The following EPSTI1 variants were observed in gnomAD, a reference collection of about 807,000 sequenced individuals.
EPSTI1 encodes epithelial stromal interaction 1, also known as epithelial-stromal interaction protein 1.
A neutral mutation model predicts 49.9 loss-of-function variants in EPSTI1; 66 were observed. The ratio of observed to expected loss-of-function variants is 1.32; its 90% CI spans 1.08 to 1.62. The LOEUF (loss-of-function observed/expected upper bound fraction) is 1.62, where lower values mean the gene tolerates loss of function less well. Ranked by LOEUF, EPSTI1 falls within the 40% of genes most tolerant of loss-of-function variation. The pLI, the probability that EPSTI1 is intolerant of heterozygous loss-of-function variation, is 0.00. For synonymous variants in EPSTI1, 137 were observed against 130.7 expected, an observed-to-expected ratio of 1.05 and a Z score of -0.33; for missense variants, 394 against 365.5, an observed-to-expected ratio of 1.08 and a Z score of -0.64.
At chr13:42,986,703 C>G (rs1039543143) in intron 1 of EPSTI1, among the ~76,000 whole-genome samples, 2 of 143,766 alleles carry the variant, frequency 1.4e-5, no homozygotes, top group African/African-American at 5.2e-5. Context: ...TGAGATCACG[C>G]CACTGCACTA....
chr13:42,983,563 C>CAAAAAAAAAAAAAAAAAAAAAAAA (rs56259281), intron 1 of EPSTI1, among the ~76,000 whole-genome samples: 2 of 95,498 alleles, frequency 2.1e-5, no homozygotes, highest in Non-Finnish European at 3.7e-5. Flanking sequence ...GACTCCATCT[C>CAAAAAAAAAAAAAAAAAAAAAAAA]AAAAAAAAAA....
intron 9 of EPSTI1, among the ~76,000 whole-genome samples, chr13:42,896,776 C>G (rs990582265): frequency 6.6e-6 from 1 of 152,180 alleles, no homozygotes; most frequent in Admixed American, 6.5e-5. Flanking sequence ...CTTTCCTCCC[C>G]CACTGAGTAT....
chr13:42,919,787 G>A (rs1278773836), intron 7 of EPSTI1, among the ~76,000 whole-genome samples: 2 of 152,198 alleles, frequency 1.3e-5, no homozygotes, highest in African/African-American at 2.4e-5. Context: ...ACCGGGAGAA[G>A]AGCATCACAT....
rs76518996 is a variant in EPSTI1, at chr13:42,901,298, A to G, written c.742-915T>C. Among the ~76,000 whole-genome samples, 1,098 of 152,254 alleles carry G rather than the reference A, an allele frequency of 7.2e-3. 9 individuals carry two copies. Among genetic ancestry groups the G allele is most frequent in the African/African-American group, 0.025 (1,040 of 41,546 alleles). ...AACTTCCTTGATGAAAAGTATACAA[A>G]AAAACTCAAAGTTCAGGCTGACATT... On this transcript the variant is annotated intron_variant, in intron 8 of 10. Coordinates refer to ENST00000313624, the MANE Select transcript of EPSTI1 (RefSeq NM_033255.5).
At chr13:42,980,116 C>T (rs1054112632) in intron 1 of EPSTI1, among the ~76,000 whole-genome samples, 1 of 151,732 alleles carries the variant, frequency 6.6e-6, no homozygotes, top group Admixed American at 6.6e-5. Context: ...CCTCATGATT[C>T]GATTAGGTTA....
intron 5 of EPSTI1, among the ~76,000 whole-genome samples, chr13:42,958,913 A>G (rs1401520153): frequency 6.6e-6 from 1 of 152,254 alleles, no homozygotes; most frequent in African/African-American, 2.4e-5. Flanking sequence ...AACTTCATTC[A>G]TGTGGGTTTA....
intron 8 of EPSTI1, among the ~76,000 whole-genome samples, chr13:42,906,165 G>A (rs2037493374): frequency 6.6e-6 from 1 of 152,168 alleles, no homozygotes; most frequent in Non-Finnish European, 1.5e-5. Flanking sequence ...TCGAGCCCAG[G>A]TCAATAATAA....
chr13:42,899,582 G>A (rs980209756), intron 9 of EPSTI1, among the ~76,000 whole-genome samples: 1 of 151,982 alleles, frequency 6.6e-6, no homozygotes, highest in African/African-American at 2.4e-5. Context: ...GGTTAAATAC[G>A]TTCAAAAAAA....
chr13:42,888,246 C>T lies in EPSTI1; in HGVS notation c.*248G>A, dbSNP rs375762063. On this transcript the variant is annotated 3_prime_UTR_variant, in exon 11 of 11. Transcript: ENST00000313624. ...TACCAACATCACTCTAATTATACTT[C>T]CAATTAGAAAAATAATGTAGCATTT... 3 of 1,613,286 alleles carry T rather than the reference C, an allele frequency of 1.9e-6. No homozygotes were observed. The African/African-American group carries it at 4.0e-5, about 22-fold the overall frequency.
chr13:42,923,657 G>A (rs1160505834), intron 7 of EPSTI1, among the ~76,000 whole-genome samples: 1 of 152,180 alleles, frequency 6.6e-6, no homozygotes, highest in East Asian at 1.9e-4. Context: ...CGCTGAGGAA[G>A]GTCTGATGAT....
chr13:42,909,937 C>T (rs9567065), intron 8 of EPSTI1, among the ~76,000 whole-genome samples: 48 of 152,082 alleles, frequency 3.2e-4, no homozygotes, highest in African/African-American at 1.0e-3. Context: ...CTTGAAAATG[C>T]AAAGAATGTT....
intron 8 of EPSTI1, among the ~76,000 whole-genome samples, chr13:42,909,900 C>G (rs555470883): frequency 1.4e-4 from 22 of 152,118 alleles, no homozygotes; most frequent in African/African-American, 5.1e-4. Flanking sequence ...TAATTAATGA[C>G]AATAAATAAT....
At chr13:42,931,184 C>A (rs534828412) in intron 6 of EPSTI1, among the ~76,000 whole-genome samples, 1 of 135,440 alleles carries the variant, frequency 7.4e-6, no homozygotes, top group Admixed American at 7.6e-5. Flanking sequence ...CTACCTTTTG[C>A]CTACAGCTTT....
chr13:42,890,398 C>T (rs1415285015), intron 10 of EPSTI1, among the ~76,000 whole-genome samples: 3 of 150,916 alleles, frequency 2.0e-5, no homozygotes, highest in Non-Finnish European at 2.9e-5. Context: ...CCCAGGTTCA[C>T]GCCATTCTCC....
chr13:42,958,549 AT>A (rs1161062064), intron 5 of EPSTI1, among the ~76,000 whole-genome samples: 1 of 152,232 alleles, frequency 6.6e-6, no homozygotes, highest in Non-Finnish European at 1.5e-5. Flanking sequence ...TGGTGAACAC[AT>A]ATGGAAGAAT....
chr13:42,988,763 A>G (rs1427561502), intron 1 of EPSTI1, among the ~76,000 whole-genome samples: 2 of 151,638 alleles, frequency 1.3e-5, no homozygotes, highest in African/African-American at 2.4e-5. Context: ...ATCTTGTCTG[A>G]GAGTCTATCA....
At chr13:42,974,434 G>C (rs1194793555) in intron 1 of EPSTI1, among the ~76,000 whole-genome samples, 1 of 152,180 alleles carries the variant, frequency 6.6e-6, no homozygotes, top group Admixed American at 6.5e-5. Flanking sequence ...AGGGCGGGCG[G>C]ATCACGAGGT....
intron 1 of EPSTI1, among the ~76,000 whole-genome samples, chr13:42,984,554 T>A (rs11842340): frequency 0.48 from 73,446 of 151,744 alleles, 18,372 homozygotes; most frequent in South Asian, 0.6. Context: ...TAAATAGTGA[T>A]ATTGATAAAA....
At chr13:42,931,935 A>G in intron 6 of EPSTI1, among the ~76,000 whole-genome samples, 1 of 152,218 alleles carries the variant, frequency 6.6e-6, no homozygotes, top group Non-Finnish European at 1.5e-5. Context: ...TTTTATTCTA[A>G]TATAGGTTCC....
Sources: gnomAD v4.1 joint callset for allele counts (sites outside exome capture counted in the v4.1 genomes callset) on GRCh38, gnomAD v4.1.1 for gene constraint, MANE v1.5 for transcripts, NCBI Gene and HGNC (gene_info 2026-07-23, HGNC 2026-07-21) for gene names.